CEMIP: variants seen among roughly 807,000 people sequenced by gnomAD.
CEMIP encodes the protein cell migration-inducing and hyaluronan-binding protein.
Under a neutral mutation model 156.9 loss-of-function variants are expected in CEMIP, and 105 were observed. The ratio of observed to expected loss-of-function variants is 0.67; its 90% CI spans 0.57 to 0.79. The LOEUF (loss-of-function observed/expected upper bound fraction) is 0.79, where lower values mean the gene tolerates loss of function less well. Ranked by LOEUF, CEMIP falls within the 30% of genes least tolerant of loss-of-function variation. CEMIP has a pLI of 0.00. For synonymous variants in CEMIP, 676 were observed against 668.4 expected (o/e 1.01, Z -0.17); for missense variants, 1,457 against 1,769.4 (o/e 0.82, Z 3.17).
At position 80,788,043 on chromosome 15, in the gene CEMIP, A is replaced by G. The variant is rs540184651; in HGVS notation, c.-176+8429A>G. 3.9e-5 allele frequency among the ~76,000 whole-genome samples: 6 copies of G among 152,262 alleles called. No individual in the cohort carries two copies. In the East Asian group the frequency reaches 1.2e-3, roughly 29 times the overall value. ...CCTAAAGGCTCGCCTCAGGAGTCCT[A>G]CTGAATCCTGGGTCTCCAGTGCCTC... On this transcript the variant is annotated intron_variant, in intron 1 of 29. Transcript: ENST00000394685.
intron 1 of CEMIP, among the ~76,000 whole-genome samples, chr15:80,815,876 T>C (rs1473797525): frequency 2.0e-5 from 3 of 152,222 alleles, no homozygotes; most frequent in Non-Finnish European, 2.9e-5. Flanking sequence ...ATCTTTGCCA[T>C]ACAGCTCGGT....
intron 1 of CEMIP, among the ~76,000 whole-genome samples, chr15:80,821,505 CT>C (rs993272405): frequency 6.6e-6 from 1 of 152,074 alleles, no homozygotes; most frequent in Non-Finnish European, 1.5e-5. Context: ...GGCAGGGAGG[CT>C]TTTTCCATCA....
intron 1 of CEMIP, among the ~76,000 whole-genome samples, chr15:80,830,756 G>A (rs1897140063): frequency 6.6e-6 from 1 of 151,940 alleles, no homozygotes. Flanking sequence ...GACCCCATGG[G>A]CTGAGTAATG....
At chr15:80,841,872 G>A (rs1172262810) in intron 1 of CEMIP, 9 of 248,188 alleles carry the variant, frequency 3.6e-5, no homozygotes, top group South Asian at 1.9e-4. Context: ...AAGACCTTGA[G>A]ACAGCTGCAC....
At chr15:80,806,501 C>T (rs1344360518) in intron 1 of CEMIP, among the ~76,000 whole-genome samples, 1 of 152,020 alleles carries the variant, frequency 6.6e-6, no homozygotes, top group Admixed American at 6.6e-5. Context: ...CTTCCAGGAA[C>T]CAGGAAAGAG....
chr15:80,861,608 G>A (rs1407549022), intron 1 of CEMIP, among the ~76,000 whole-genome samples: 2 of 152,218 alleles, frequency 1.3e-5, no homozygotes, highest in Non-Finnish European at 2.9e-5. Context: ...GGAGTGATGT[G>A]GGTCTTGACC....
At chr15:80,930,972 CCCAG>C (rs1900892871) in intron 21 of CEMIP, among the ~76,000 whole-genome samples, 1 of 152,200 alleles carries the variant, frequency 6.6e-6, no homozygotes, top group Non-Finnish European at 1.5e-5. Flanking sequence ...CACCAGGAAG[CCCAG>C]CCAGCCTCGC....
At chr15:80,808,284 C>T (rs986246131) in intron 1 of CEMIP, among the ~76,000 whole-genome samples, 31 of 152,206 alleles carry the variant, frequency 2.0e-4, no homozygotes, top group African/African-American at 7.2e-4. Context: ...GGGGATGGCC[C>T]ACCTGCAGCC....
intron 12 of CEMIP, chr15:80,901,086 C>G (rs1230032369): frequency 2.5e-6 from 1 of 396,168 alleles, no homozygotes; most frequent in Non-Finnish European, 5.1e-6. Flanking sequence ...GCAGTTGGAA[C>G]TCCCCTCCCT....
chr15:80,879,613 C>T (rs1387113497), intron 4 of CEMIP, 103 bp from the exon 5 acceptor site: 9 of 1,367,362 alleles, frequency 6.6e-6, no homozygotes, highest in Non-Finnish European at 9.4e-6. Flanking sequence ...TTTTTGCCTG[C>T]CCCGGTGAGA....
chr15:80,874,854 GTCCA>G (rs1898417356), intron 3 of CEMIP, among the ~76,000 whole-genome samples: 1 of 152,006 alleles, frequency 6.6e-6, no homozygotes, highest in South Asian at 2.1e-4. Context: ...CTATTTTTAT[GTCCA>G]TTGAGTTTGA....
intron 5 of CEMIP, 111 bp downstream of exon 5, chr15:80,879,965 C>T: frequency 1.6e-6 from 2 of 1,222,568 alleles, no homozygotes; most frequent in South Asian, 2.5e-5. Context: ...AGATAGGAAT[C>T]ATTCTGTCCT....
intron 1 of CEMIP, among the ~76,000 whole-genome samples, chr15:80,857,903 G>C (rs1291877459): frequency 6.6e-6 from 1 of 152,192 alleles, no homozygotes; most frequent in Non-Finnish European, 1.5e-5. Flanking sequence ...ACTTTAGACT[G>C]GGACCTGAGG....
At chr15:80,851,416 G>A (rs1897713100) in intron 1 of CEMIP, among the ~76,000 whole-genome samples, 1 of 152,178 alleles carries the variant, frequency 6.6e-6, no homozygotes, top group Admixed American at 6.5e-5. Context: ...TCTAGGCCAG[G>A]CCCTCGATCA....
intron 1 of CEMIP, among the ~76,000 whole-genome samples, chr15:80,867,497 C>G (rs1265402661): frequency 5.9e-5 from 9 of 152,214 alleles, no homozygotes; most frequent in Non-Finnish European, 1.5e-5. Context: ...CTTGCAGCAT[C>G]CTGGGATGCC....
chr15:80,828,369 G>T (rs1368221653), intron 1 of CEMIP, among the ~76,000 whole-genome samples: 2 of 150,890 alleles, frequency 1.3e-5, no homozygotes, highest in Non-Finnish European at 2.9e-5. Flanking sequence ...GAAAGAGTGA[G>T]ACTCTGTCTC....
intron 7 of CEMIP, among the ~76,000 whole-genome samples, chr15:80,885,714 C>T (rs1302802000): frequency 1.3e-5 from 2 of 152,068 alleles, no homozygotes; most frequent in Non-Finnish European, 2.9e-5. Context: ...ATGGGATATA[C>T]GAGGAGCTAT....
intron 1 of CEMIP, among the ~76,000 whole-genome samples, chr15:80,818,575 G>A (rs1028871464): frequency 6.6e-6 from 1 of 152,152 alleles, no homozygotes. Flanking sequence ...TAAGCTGCAG[G>A]GAGCATTACT....
At chr15:80,912,230 G>A (rs1453380618) in intron 14 of CEMIP, among the ~76,000 whole-genome samples, 1 of 152,234 alleles carries the variant, frequency 6.6e-6, no homozygotes, top group African/African-American at 2.4e-5. Context: ...AGCAGTTCAG[G>A]GGTAGCCCAT....
Sources: allele counts gnomAD v4.1 joint callset (sites outside exome capture counted in the v4.1 genomes callset), GRCh38; gene constraint gnomAD v4.1.1; transcripts MANE v1.5; gene names NCBI Gene and HGNC (gene_info 2026-07-23, HGNC 2026-07-21).